The following FGD3 variants were observed in gnomAD, a reference collection of about 807,000 sequenced individuals.
FGD3 encodes FYVE, RhoGEF and PH domain-containing protein 3.
Under a neutral mutation model 71.8 loss-of-function variants are expected in FGD3, and 45 were observed. The observed-to-expected ratio is 0.63, with a 90% CI of 0.49 to 0.80. The LOEUF (loss-of-function observed/expected upper bound fraction) is 0.80, where lower values mean the gene tolerates loss of function less well. Ranked by LOEUF, FGD3 falls within the 30% of genes least tolerant of loss-of-function variation. The pLI, the probability that FGD3 is intolerant of heterozygous loss-of-function variation, is 0.00. For synonymous variants in FGD3, 378 were observed against 392.8 expected (o/e 0.96, Z 0.44); for missense variants, 844 against 951.5 (o/e 0.89, Z 1.49).
chr9:93,030,719 AG>A (rs113582020), intron 15 of FGD3, among the ~76,000 whole-genome samples: 259 of 6,546 alleles, frequency 0.04, 1 homozygote, highest in South Asian at 0.16. Context: ...GGGGGGCAGC[AG>A]GGGGGGGGGA....
intron 8 of FGD3, among the ~76,000 whole-genome samples, chr9:93,012,109 GC>G (rs1861426212): frequency 6.7e-6 from 1 of 148,404 alleles, no homozygotes; most frequent in African/African-American, 2.5e-5. Flanking sequence ...AGCCGAGATC[GC>G]GCCACTGCAC....
intron 1 of FGD3, among the ~76,000 whole-genome samples, chr9:92,961,262 G>A (rs1019965319): frequency 4.6e-5 from 7 of 152,216 alleles, no homozygotes; most frequent in Non-Finnish European, 1.5e-5. Context: ...GGGAGGATGA[G>A]CAGCACCCTT....
chr9:92,952,203 G>A (rs1014246898), intron 1 of FGD3, among the ~76,000 whole-genome samples: 2 of 151,108 alleles, frequency 1.3e-5, no homozygotes, highest in African/African-American at 4.9e-5. Context: ...GTATGCAAAG[G>A]ATATATACAC....
intron 6 of FGD3, among the ~76,000 whole-genome samples, chr9:93,007,975 G>C (rs892354946): frequency 6.6e-6 from 1 of 152,160 alleles, no homozygotes; most frequent in Admixed American, 6.5e-5. Context: ...AAACAGGATC[G>C]CATGACAGTC....
intron 3 of FGD3, among the ~76,000 whole-genome samples, chr9:92,988,049 A>G (rs1314296701): frequency 6.6e-6 from 1 of 152,176 alleles, no homozygotes; most frequent in African/African-American, 2.4e-5. Context: ...TAGTTCAGCT[A>G]AAATCCGGGT....
chr9:92,996,444 T>G (rs1587839700), intron 3 of FGD3, among the ~76,000 whole-genome samples: 1 of 151,992 alleles, frequency 6.6e-6, no homozygotes, highest in African/African-American at 2.4e-5. Context: ...ATTCATTGAT[T>G]TTTTTGAAGG....
chr9:92,973,009 T>C (rs1859592327), intron 1 of FGD3, among the ~76,000 whole-genome samples: 2 of 152,166 alleles, frequency 1.3e-5, no homozygotes, highest in African/African-American at 2.4e-5. Flanking sequence ...TAGTTTTTAA[T>C]GTCCCTTTTT....
intron 1 of FGD3, among the ~76,000 whole-genome samples, chr9:92,958,817 G>A (rs577801256): frequency 3.9e-5 from 6 of 152,280 alleles, no homozygotes; most frequent in Admixed American, 1.3e-4. Flanking sequence ...TTGAAAGGAC[G>A]TATCTTTCCC....
chr9:92,985,314 C>A (rs568035584), intron 3 of FGD3, among the ~76,000 whole-genome samples: 1 of 152,346 alleles, frequency 6.6e-6, no homozygotes, highest in South Asian at 2.1e-4. Flanking sequence ...TTAGCCCTGT[C>A]CTCCTGATTC....
intron 1 of FGD3, among the ~76,000 whole-genome samples, chr9:92,968,153 C>A (rs1425536547): frequency 6.6e-6 from 1 of 152,166 alleles, no homozygotes; most frequent in Non-Finnish European, 1.5e-5. Context: ...AGATACCCCC[C>A]GCCCACCAGC....
At chr9:92,984,619 C>A (rs1256123171) in intron 3 of FGD3, among the ~76,000 whole-genome samples, 2 of 152,126 alleles carry the variant, frequency 1.3e-5, no homozygotes, top group Non-Finnish European at 2.9e-5. Flanking sequence ...ATTTAGGTGG[C>A]TTTCCCAGGA....
chr9:93,034,759 G>A, intron 17 of FGD3, 78 bp downstream of exon 17: 2 of 1,480,898 alleles, frequency 1.4e-6, no homozygotes, highest in Non-Finnish European at 9.1e-7. Flanking sequence ...GCAGGCCTGT[G>A]CCACCAGCTG....
intron 3 of FGD3, among the ~76,000 whole-genome samples, chr9:93,001,649 G>A (rs888811982): frequency 1.3e-5 from 2 of 152,174 alleles, no homozygotes; most frequent in Non-Finnish European, 2.9e-5. Context: ...CCAGGTTAGG[G>A]AGAAGATTAT....
intron 8 of FGD3, 41 bp downstream of exon 8, chr9:93,011,313 G>T: frequency 2.5e-6 from 4 of 1,612,480 alleles, no homozygotes; most frequent in Non-Finnish European, 3.4e-6. Flanking sequence ...GGGTGGTGCA[G>T]CAAGAGTGAG....
chr9:93,035,334 G>A lies in FGD3; in HGVS notation c.1927-4G>A. The A allele has an allele frequency of 6.2e-7, 1 of 1,607,100 alleles. No individual in the cohort carries two copies. The highest frequency in any genetic ancestry group is 8.5e-7 in the Non-Finnish European group (1 of 1,176,826). ...CCCGCTGACCATCTGCTCCTCTGCTGCAGGACGGCCGGCTGCCCCGCACCA... is the reference window on the plus strand; with the variant it reads ...CCCGCTGACCATCTGCTCCTCTGCTACAGGACGGCCGGCTGCCCCGCACCA... On this transcript the variant is annotated splice_polypyrimidine_tract_variant and splice_region_variant and intron_variant, in intron 17 of 17. Transcript: ENST00000375482.
In FGD3 at chr9:93,031,863, G is replaced by A; in HGVS notation, c.1681-906G>A. On this transcript the variant is annotated intron_variant, in intron 15 of 17. Coordinates refer to ENST00000375482, the MANE Select transcript of FGD3 (RefSeq NM_001083536.2). ...GACAGCAGGAGCCTCTTTGTGCTGG[G>A]AAAAGGATCCAGCAGAGGGAGGGAG... Among the ~76,000 whole-genome samples, 2 of 152,156 alleles carry A rather than the reference G, an allele frequency of 1.3e-5. 1 individual carries two copies. The highest frequency in any genetic ancestry group is 2.9e-5 in the Non-Finnish European group (2 of 68,022).
In FGD3 at chr9:92,969,776, G is replaced by A. The variant is rs961359696; in HGVS notation, c.-217-5462G>A. Among the ~76,000 whole-genome samples the A allele has an allele frequency of 6.6e-6, 1 of 152,192 alleles. No homozygotes were observed. Among genetic ancestry groups the A allele is most frequent in the Admixed American group, 6.5e-5 (1 of 15,282 alleles). On this transcript the variant is annotated intron_variant, in intron 1 of 17. Transcript: ENST00000375482. The surrounding 1 kb of genome is among the most constrained non-coding windows in gnomAD (Gnocchi z 4.5). ...GTGGGACCAGCCCTGCCTATCTGGG[G>A]GACCGCTGCACTGTGGAGGGACACG...
intron 17 of FGD3, 136 bp downstream of exon 17, chr9:93,034,817 C>A: frequency 9.9e-7 from 1 of 1,005,328 alleles, no homozygotes; most frequent in Non-Finnish European, 1.4e-6. Context: ...GTTTCCCCGG[C>A]AGCGCAGGAT....
rs377307195 is a variant in FGD3, at chr9:92,977,609, C to T, written c.453+900C>T. Among the ~76,000 whole-genome samples the T allele has an allele frequency of 3.3e-5, 5 of 152,106 alleles. No individual in the cohort carries two copies. The East Asian group carries it at 9.6e-4, about 29-fold the overall frequency. On this transcript the variant is annotated intron_variant, in intron 3 of 17. Transcript: ENST00000375482. ...GTGTTCAATGGAGGCTTTATTATCACTCAGGTGTAGGAAGGATCAGACCAC... is the reference window on the plus strand; with the variant it reads ...GTGTTCAATGGAGGCTTTATTATCATTCAGGTGTAGGAAGGATCAGACCAC...
Sources: allele counts gnomAD v4.1 joint callset (sites outside exome capture counted in the v4.1 genomes callset), GRCh38; gene constraint gnomAD v4.1.1; non-coding constraint Gnocchi (gnomAD v3.1); transcripts MANE v1.5; gene names NCBI Gene and HGNC (gene_info 2026-07-23, HGNC 2026-07-21).